Variants in VPS13A observed in about 807,000 individuals in gnomAD.
VPS13A encodes vacuolar protein sorting 13 homolog A, also known as intermembrane lipid transfer protein VPS13A.
A neutral mutation model predicts 390.9 loss-of-function variants in VPS13A; 264 were observed. The ratio of observed to expected loss-of-function variants is 0.68; its 90% CI spans 0.61 to 0.75. The LOEUF (loss-of-function observed/expected upper bound fraction) is 0.75, where lower values mean the gene tolerates loss of function less well. Ranked by LOEUF, VPS13A falls within the 30% of genes least tolerant of loss-of-function variation. The pLI is 0.00. For synonymous variants in VPS13A, 1,231 were observed against 1,227.1 expected (o/e 1.00, Z -0.07); for missense variants, 3,409 against 3,733.9 (o/e 0.91, Z 2.27).
chr9:77,386,496 G>T (rs1244339997), intron 68 of VPS13A, among the ~76,000 whole-genome samples: 1 of 109,236 alleles, frequency 9.2e-6, no homozygotes, highest in Non-Finnish European at 2.0e-5. Context: ...AGAATTTATC[G>T]GAAAAAAAAA....
intron 26 of VPS13A, among the ~76,000 whole-genome samples, chr9:77,277,998 C>G (rs970984278): frequency 6.6e-6 from 1 of 152,100 alleles, no homozygotes; most frequent in African/African-American, 2.4e-5. Context: ...AAAAGTAAAC[C>G]AACGTGACAG....
chr9:77,205,229 G>T, intron 3 of VPS13A, 84 bp from the exon 4 acceptor site: 1 of 701,858 alleles, frequency 1.4e-6, no homozygotes, highest in Non-Finnish European at 2.3e-6. Context: ...TCTCTTCAAT[G>T]CCTGACAGAA....
chr9:77,261,054 C>T lies in VPS13A; in HGVS notation c.2427+830C>T, dbSNP rs907239806. On this transcript the variant is annotated intron_variant, in intron 23 of 71. Transcript: ENST00000360280. ...CTGGGATTACAGGCGCCCGCCACCACGCCAGCTAATTTTTTTTTGCATTTT... is the reference window on the plus strand; with the variant it reads ...CTGGGATTACAGGCGCCCGCCACCATGCCAGCTAATTTTTTTTTGCATTTT... Among the ~76,000 whole-genome samples, 20 of 152,092 alleles carry T rather than the reference C, an allele frequency of 1.3e-4. 1 individual carries two copies. The highest frequency in any genetic ancestry group is 4.2e-4 in the South Asian group (2 of 4,816).
Position 77,397,895 on chromosome 9 carries a change from A to AT in VPS13A, c.9190-5340dup, listed in dbSNP as rs527338415. Among the ~76,000 whole-genome samples, 213 of 152,298 alleles carry AT rather than the reference A, an allele frequency of 1.4e-3. 1 individual carries two copies. Among genetic ancestry groups the AT allele is most frequent in the Non-Finnish European group, 1.5e-3 (99 of 68,026 alleles). The stretch of plus-strand genomic sequence containing the variant: ...TAATTTATATATATACTTTTAATGA[A>AT]TAAGGCGAAAAAAATGTTTTTCCTT... On this transcript the variant is annotated intron_variant, in intron 68 of 71. Coordinates refer to ENST00000360280, the MANE Select transcript of VPS13A (RefSeq NM_033305.3).
At chr9:77,363,911 C>T (rs1832290565) in intron 59 of VPS13A, among the ~76,000 whole-genome samples, 1 of 152,166 alleles carries the variant, frequency 6.6e-6, no homozygotes, top group Non-Finnish European at 1.5e-5. Flanking sequence ...GCGGTGGGAA[C>T]AGTTGTGACA....
intron 44 of VPS13A, 98 bp downstream of exon 44, chr9:77,321,844 T>C (rs1035294959): frequency 7.3e-7 from 1 of 1,362,210 alleles, no homozygotes; most frequent in Non-Finnish European, 1.0e-6. Flanking sequence ...AAGGTTTTTT[T>C]TGTTTTTGTT....
chr9:77,354,284 A>C (rs955226933), intron 54 of VPS13A, among the ~76,000 whole-genome samples: 2 of 152,074 alleles, frequency 1.3e-5, no homozygotes, highest in Non-Finnish European at 2.9e-5. Context: ...ATGTAAATTT[A>C]GTTTTCTATG....
intron 19 of VPS13A, 145 bp from the exon 20 acceptor site, chr9:77,247,114 A>G (rs1379464979): frequency 4.8e-6 from 3 of 622,846 alleles, no homozygotes; most frequent in Non-Finnish European, 7.6e-6. Context: ...TTTAAATTTT[A>G]TATTGGAAGT....
At chr9:77,359,833 G>A (rs1336718357) in intron 58 of VPS13A, among the ~76,000 whole-genome samples, 2 of 146,478 alleles carry the variant, frequency 1.4e-5, no homozygotes, top group African/African-American at 5.0e-5. Context: ...AAAAAAAAAA[G>A]GCGGCTCTGG....
At chr9:77,201,473 A>T in intron 3 of VPS13A, 66 bp downstream of exon 3, 1 of 1,249,386 alleles carries the variant, frequency 8.0e-7, no homozygotes, top group Non-Finnish European at 1.2e-6. Flanking sequence ...TTTGCCTAAT[A>T]TATCTATTAT....
At chr9:77,343,154 C>T (rs1830933988) in intron 50 of VPS13A, among the ~76,000 whole-genome samples, 1 of 152,186 alleles carries the variant, frequency 6.6e-6, no homozygotes, top group South Asian at 2.1e-4. Flanking sequence ...AAAAAGCTCT[C>T]ATAAAGAGCT....
chr9:77,304,529 G>A (rs1463092754), intron 34 of VPS13A, among the ~76,000 whole-genome samples: 1 of 152,112 alleles, frequency 6.6e-6, no homozygotes, highest in African/African-American at 2.4e-5. Context: ...AAAGATCTAG[G>A]TTAGAAATAC....
chr9:77,260,290 A>G (rs924750994), intron 23 of VPS13A, 66 bp downstream of exon 23: 1 of 1,544,820 alleles, frequency 6.5e-7, no homozygotes, highest in South Asian at 1.2e-5. Context: ...ATTTCAAACA[A>G]TCACAGGAAT....
rs765442461 is a variant in VPS13A at position 77,226,559 on chromosome 9, C to G, written c.1318C>G (p.Gln440Glu). Reference protein sequence around the residue: ...WFSWLWSWSEQNTNEQQPDVQ... With the variant: ...WFSWLWSWSEENTNEQQPDVQ... ...TAGCTGGCTATGGTCTTGGTCAGAACAAAATACTAATGAACAGCAACCAGA... is the reference window on the plus strand; with the variant it reads ...TAGCTGGCTATGGTCTTGGTCAGAAGAAAATACTAATGAACAGCAACCAGA... The change falls in exon 15 of 72, where the codon CAA (glutamine) becomes GAA (glutamate). Residue 440 changes from glutamine to glutamate, a missense_variant. This residue lies in a region of VPS13A where 2,717 missense variants were observed against 2,917.4 expected (regional missense o/e 0.93). Transcript: ENST00000360280. 6.2e-7 allele frequency: 1 copy of G among 1,612,952 alleles called. No homozygotes were observed. Among genetic ancestry groups the G allele is most frequent in the South Asian group, 1.1e-5 (1 of 91,022 alleles).
chr9:77,204,572 C>T (rs929869233), intron 3 of VPS13A, among the ~76,000 whole-genome samples: 15 of 151,990 alleles, frequency 9.9e-5, no homozygotes, highest in Admixed American at 7.9e-4. Flanking sequence ...ACGTATGTAA[C>T]ACACATATAC....
intron 5 of VPS13A, among the ~76,000 whole-genome samples, chr9:77,207,737 C>T (rs182254641): frequency 2.6e-5 from 4 of 152,156 alleles, no homozygotes; most frequent in Admixed American, 2.6e-4. Context: ...CTTAACTGCT[C>T]CTTATACAGA....
intron 71 of VPS13A, among the ~76,000 whole-genome samples, chr9:77,412,016 C>G (rs1432137759): frequency 2.0e-5 from 3 of 152,156 alleles, no homozygotes; most frequent in Admixed American, 2.0e-4. Context: ...AATTCCTCAA[C>G]ACATACACCC....
intron 37 of VPS13A, 83 bp from the exon 38 acceptor site, chr9:77,315,170 T>G: frequency 8.2e-7 from 1 of 1,220,620 alleles, no homozygotes; most frequent in African/African-American, 1.5e-5. Context: ...GTAAAAGAGA[T>G]AAGAGGTCTT....
chr9:77,392,358 T>C (rs1327063067), intron 68 of VPS13A, among the ~76,000 whole-genome samples: 3 of 152,210 alleles, frequency 2.0e-5, no homozygotes, highest in African/African-American at 7.2e-5. Flanking sequence ...TTTTGAGATA[T>C]AGCAATACCC....
Sources: gnomAD v4.1 joint callset for allele counts (sites outside exome capture counted in the v4.1 genomes callset) on GRCh38, gnomAD v4.1.1 for gene constraint, gnomAD v4.1.1 regional missense constraint, MANE v1.5 for transcripts, NCBI Gene and HGNC (gene_info 2026-07-23, HGNC 2026-07-21) for gene names.